LHFPL6: variants seen among roughly 807,000 people sequenced by gnomAD.
The protein encoded by LHFPL6 is LHFPL tetraspan subfamily member 6 protein.
LHFPL6 carries 9 observed loss-of-function variants against 20.6 expected under a neutral mutation model. The observed-to-expected ratio is 0.44, with a 90% CI of 0.26 to 0.76. The LOEUF (loss-of-function observed/expected upper bound fraction) is 0.76, where lower values mean the gene tolerates loss of function less well. Ranked by LOEUF, LHFPL6 falls within the 30% of genes least tolerant of loss-of-function variation. The pLI is 0.20. For synonymous variants in LHFPL6, 105 were observed against 98.7 expected (o/e 1.06, Z -0.38); for missense variants, 218 against 253.5 (o/e 0.86, Z 0.95).
chr13:39,479,166 T>C (rs1335110972), intron 2 of LHFPL6, among the ~76,000 whole-genome samples: 3 of 152,046 alleles, frequency 2.0e-5, no homozygotes, highest in Non-Finnish European at 4.4e-5. Flanking sequence ...TCTGTATATA[T>C]ACAATTCTCT....
intron 2 of LHFPL6, among the ~76,000 whole-genome samples, chr13:39,484,934 A>G (rs1868673928): frequency 6.6e-6 from 1 of 152,182 alleles, no homozygotes; most frequent in Non-Finnish European, 1.5e-5. Flanking sequence ...CCTTCCTTGA[A>G]TAGCCAGAAG....
chr13:39,396,335 A>C (rs1453636412), intron 2 of LHFPL6, among the ~76,000 whole-genome samples: 6 of 152,232 alleles, frequency 3.9e-5, no homozygotes, highest in African/African-American at 1.4e-4. Flanking sequence ...TTATTGGCTA[A>C]ACTGCATCGC....
chr13:39,552,658 T>C (rs1871173603), intron 2 of LHFPL6, among the ~76,000 whole-genome samples: 1 of 152,196 alleles, frequency 6.6e-6, no homozygotes, highest in Non-Finnish European at 1.5e-5. Flanking sequence ...ACATCATTAA[T>C]AAGAATGATA....
intron 2 of LHFPL6, among the ~76,000 whole-genome samples, chr13:39,586,244 G>A (rs954971164): frequency 6.6e-6 from 1 of 152,254 alleles, no homozygotes; most frequent in Non-Finnish European, 1.5e-5. Flanking sequence ...CTTTTTGTGT[G>A]AAGCAGTGAA....
intron 2 of LHFPL6, among the ~76,000 whole-genome samples, chr13:39,574,125 C>T (rs962331483): frequency 6.6e-6 from 1 of 152,200 alleles, no homozygotes; most frequent in African/African-American, 2.4e-5. Flanking sequence ...CTCCTGACTT[C>T]TCTAAACCTC....
At position 39,345,512 on chromosome 13, in the gene LHFPL6, C is replaced by CAAAAAAAAAAAAAAAAA; in HGVS notation, c.485-1475_485-1459dup. ...TGGGTCAGGGAGCGAGACTCCATCT[C>CAAAAAAAAAAAAAAAAA]AAAAAAAAAAAAAAAAAAAAAAAAA... On this transcript the variant is annotated intron_variant, in intron 3 of 3. Transcript: ENST00000379589. 7.7e-3 allele frequency among the ~76,000 whole-genome samples: 335 copies of CAAAAAAAAAAAAAAAAA among 43,368 alleles called. 16 individuals carry two copies. The highest frequency in any genetic ancestry group is 0.012 in the East Asian group (12 of 1,012). The allele number at this position is 43,368 out of a possible 152,430, so 28.5% of individuals were successfully genotyped here.
intron 3 of LHFPL6, among the ~76,000 whole-genome samples, chr13:39,372,942 C>T (rs1226691224): frequency 6.6e-6 from 1 of 152,320 alleles, no homozygotes; most frequent in Middle Eastern, 3.4e-3. Context: ...TAGCCTCCTT[C>T]CTGACTTTTC....
chr13:39,561,637 G>C (rs1871487584), intron 2 of LHFPL6, among the ~76,000 whole-genome samples: 1 of 152,084 alleles, frequency 6.6e-6, no homozygotes, highest in Non-Finnish European at 1.5e-5. Flanking sequence ...TTGTTTGTTT[G>C]GTAAAAACAG....
intron 2 of LHFPL6, among the ~76,000 whole-genome samples, chr13:39,518,669 T>G (rs891651270): frequency 1.3e-5 from 2 of 152,208 alleles, no homozygotes; most frequent in Non-Finnish European, 2.9e-5. Flanking sequence ...TGTATTTGTA[T>G]CCTTCTACAA....
chr13:39,427,333 G>A (rs1871671770), intron 2 of LHFPL6, among the ~76,000 whole-genome samples: 1 of 152,190 alleles, frequency 6.6e-6, no homozygotes, highest in South Asian at 2.1e-4. Context: ...GAAAGATAGA[G>A]AGGACATCTG....
intron 2 of LHFPL6, among the ~76,000 whole-genome samples, chr13:39,413,563 C>T (rs911415941): frequency 2.1e-5 from 3 of 145,432 alleles, no homozygotes; most frequent in South Asian, 2.3e-4. Flanking sequence ...GGACTACAGG[C>T]GTGTGTCATC....
intron 2 of LHFPL6, among the ~76,000 whole-genome samples, chr13:39,449,589 T>C (rs1872386830): frequency 6.6e-6 from 1 of 152,190 alleles, no homozygotes; most frequent in African/African-American, 2.4e-5. Flanking sequence ...TGAGCCTAAA[T>C]TGACGAAACA....
intron 2 of LHFPL6, among the ~76,000 whole-genome samples, chr13:39,541,287 A>G (rs182506483): frequency 2.6e-5 from 4 of 152,298 alleles, no homozygotes; most frequent in Admixed American, 6.5e-5. Context: ...TTGAACACCA[A>G]TGAAGTCCAT....
chr13:39,409,886 C>G (rs1008680916), intron 2 of LHFPL6, among the ~76,000 whole-genome samples: 1 of 152,154 alleles, frequency 6.6e-6, no homozygotes, highest in Non-Finnish European at 1.5e-5. Context: ...AAGAATAATT[C>G]AATAGCATTC....
At chr13:39,444,643 C>G (rs1178626787) in intron 2 of LHFPL6, among the ~76,000 whole-genome samples, 1 of 152,166 alleles carries the variant, frequency 6.6e-6, no homozygotes, top group Non-Finnish European at 1.5e-5. Context: ...CCTGCCACTC[C>G]ACAGGGTACA....
At chr13:39,356,918 C>G (rs1389654731) in intron 3 of LHFPL6, among the ~76,000 whole-genome samples, 2 of 152,208 alleles carry the variant, frequency 1.3e-5, no homozygotes, top group Non-Finnish European at 1.5e-5. Flanking sequence ...ACCAGTAATT[C>G]CAGCACTTTG....
chr13:39,502,007 T>C (rs967342138), intron 2 of LHFPL6, among the ~76,000 whole-genome samples: 1 of 152,228 alleles, frequency 6.6e-6, no homozygotes, highest in African/African-American at 2.4e-5. Flanking sequence ...TAATTGTTCA[T>C]GGGCAGAACT....
At chr13:39,498,716 A>C (rs1219706618) in intron 2 of LHFPL6, among the ~76,000 whole-genome samples, 2 of 152,226 alleles carry the variant, frequency 1.3e-5, no homozygotes, top group Non-Finnish European at 2.9e-5. Context: ...TGTGCTAACA[A>C]TTCAAGGATA....
At chr13:39,370,468 C>T (rs1175819771) in intron 3 of LHFPL6, among the ~76,000 whole-genome samples, 3 of 152,182 alleles carry the variant, frequency 2.0e-5, no homozygotes, top group African/African-American at 2.4e-5. Flanking sequence ...GCTGCATTAA[C>T]GGCCTTAAAT....
Sources: allele counts gnomAD v4.1 joint callset (sites outside exome capture counted in the v4.1 genomes callset), GRCh38; gene constraint gnomAD v4.1.1; transcripts MANE v1.5; gene names NCBI Gene and HGNC (gene_info 2026-07-23, HGNC 2026-07-21).